Variants in FRMD4A observed in about 807,000 individuals in gnomAD.
FRMD4A encodes the protein FERM domain containing 4A.
A neutral mutation model predicts 129.1 loss-of-function variants in FRMD4A; 29 were observed. The ratio of observed to expected loss-of-function variants is 0.22; its 90% CI spans 0.17 to 0.31. The LOEUF (loss-of-function observed/expected upper bound fraction) is 0.31, where lower values mean the gene tolerates loss of function less well. FRMD4A is among the 10% of genes least tolerant of loss of function. The probability of loss-of-function intolerance (pLI) is 1.00; values close to 1 mark genes in which losing one functional copy is unlikely to be tolerated. For synonymous variants in FRMD4A, 634 were observed against 571.6 expected, an observed-to-expected ratio of 1.11 and a Z score of -1.56; for missense variants, 1,272 against 1,375.8, an observed-to-expected ratio of 0.92 and a Z score of 1.19.
chr10:14,288,076 C>G (rs895357893), intron 2 of FRMD4A, among the ~76,000 whole-genome samples: 1 of 152,106 alleles, frequency 6.6e-6, no homozygotes, highest in African/African-American at 2.4e-5. Flanking sequence ...GACACTGGCC[C>G]TGAGAAGAAA....
rs1043111942 is a variant in FRMD4A at position 13,694,013 on chromosome 10, C to T, written c.1002G>A (p.Leu334=). The change falls in exon 15 of 25, where the codon CTG becomes CTA. Residue 334 remains leucine, a synonymous_variant. Transcript: ENST00000357447. The part of the protein sequence containing the change: ...SKSKIHAARS[L]SEIAIDLTET... Reference sequence around the variant, plus strand: ...CGGTCAGGTCGATGGCGATCTCACTCAGGCTGCGTGCTGCATGGATTTTGG... The same window carrying T: ...CGGTCAGGTCGATGGCGATCTCACTTAGGCTGCGTGCTGCATGGATTTTGG... 22 of 1,526,918 alleles carry T rather than the reference C, an allele frequency of 1.4e-5. No individual in the cohort carries two copies. Among genetic ancestry groups the T allele is most frequent in the Non-Finnish European group, 1.6e-5 (18 of 1,140,268 alleles). The allele number at this position is 1,526,918 out of a possible 1,614,324, so 94.6% of individuals were successfully genotyped here.
At chr10:13,723,871 G>A (rs2089670415) in intron 12 of FRMD4A, among the ~76,000 whole-genome samples, 1 of 152,218 alleles carries the variant, frequency 6.6e-6, no homozygotes, top group Admixed American at 6.5e-5. Flanking sequence ...AGCGGGGATG[G>A]AGCTCAGATG....
intron 2 of FRMD4A, chr10:14,008,183 T>TGTGTGTGTGC: frequency 8.5e-7 from 1 of 1,181,960 alleles, no homozygotes; most frequent in South Asian, 1.6e-5. Flanking sequence ...TGTGTGTGTG[T>TGTGTGTGTGC]GTGTGTGTGT....
intron 2 of FRMD4A, among the ~76,000 whole-genome samples, chr10:14,158,873 G>T (rs953047157): frequency 7.1e-6 from 1 of 140,636 alleles, no homozygotes; most frequent in Non-Finnish European, 1.5e-5. Context: ...AGGAGGAGGA[G>T]GTAGCCTTCT....
chr10:14,128,001 TTTC>T (rs1426346697), intron 2 of FRMD4A, among the ~76,000 whole-genome samples: 1 of 68,260 alleles, frequency 1.5e-5, no homozygotes, highest in Non-Finnish European at 2.8e-5. Context: ...TCTCTCTCTC[TTTC>T]TTTCTTTCTT....
At chr10:14,318,488 C>A (rs1846837710) in intron 2 of FRMD4A, among the ~76,000 whole-genome samples, 1 of 151,942 alleles carries the variant, frequency 6.6e-6, no homozygotes, top group South Asian at 2.1e-4. Context: ...GCAGGCTGAC[C>A]AGGATTTACA....
At chr10:14,298,959 A>G (rs1846097385) in intron 2 of FRMD4A, among the ~76,000 whole-genome samples, 1 of 152,304 alleles carries the variant, frequency 6.6e-6, no homozygotes, top group East Asian at 1.9e-4. Flanking sequence ...TTTATGGTGG[A>G]GTTACCTAAA....
At chr10:13,964,757 T>C (rs113507064) in intron 2 of FRMD4A, among the ~76,000 whole-genome samples, 1 of 151,274 alleles carries the variant, frequency 6.6e-6, no homozygotes, top group East Asian at 2.0e-4. Context: ...CTGCAACCTC[T>C]GCCTCCCTGC....
chr10:13,981,737 T>G (rs2095561859), intron 2 of FRMD4A, among the ~76,000 whole-genome samples: 1 of 56,374 alleles, frequency 1.8e-5, no homozygotes, highest in Non-Finnish European at 3.1e-5. Flanking sequence ...AGACTCCGTG[T>G]CAAAAAAAAA....
intron 5 of FRMD4A, among the ~76,000 whole-genome samples, chr10:13,785,618 T>C (rs942079904): frequency 6.6e-6 from 1 of 152,172 alleles, no homozygotes; most frequent in Non-Finnish European, 1.5e-5. Context: ...TTTCTTTTTA[T>C]TTTGTTATTA....
At chr10:14,098,395 T>G (rs530352218) in intron 2 of FRMD4A, among the ~76,000 whole-genome samples, 1 of 151,266 alleles carries the variant, frequency 6.6e-6, no homozygotes, top group South Asian at 2.1e-4. Context: ...GGTTCTCTCT[T>G]TTTTTCTTTC....
intron 18 of FRMD4A, among the ~76,000 whole-genome samples, chr10:13,663,859 G>A (rs1381092375): frequency 6.6e-6 from 1 of 152,220 alleles, no homozygotes; most frequent in African/African-American, 2.4e-5. Flanking sequence ...CCCAGGGCGT[G>A]TACCAGCAAA....
chr10:13,914,373 T>G (rs1262894020), intron 2 of FRMD4A, among the ~76,000 whole-genome samples: 2 of 152,214 alleles, frequency 1.3e-5, no homozygotes, highest in Non-Finnish European at 2.9e-5. Flanking sequence ...TGATGAGTAC[T>G]AGCAGTAATA....
intron 2 of FRMD4A, among the ~76,000 whole-genome samples, chr10:14,161,180 T>C (rs1840868977): frequency 6.6e-6 from 1 of 152,170 alleles, no homozygotes; most frequent in South Asian, 2.1e-4. Context: ...GGTCTTGAAC[T>C]CCTGACCTGA....
intron 2 of FRMD4A, among the ~76,000 whole-genome samples, chr10:14,187,156 AAGGGAGGGAGGG>A (rs368593790): frequency 7.6e-6 from 1 of 132,316 alleles, no homozygotes; most frequent in Non-Finnish European, 1.6e-5. Flanking sequence ...GGAAAGAAGG[AAGGGAGGGAGGG>A]AGGGAGGGAG....
intron 2 of FRMD4A, among the ~76,000 whole-genome samples, chr10:14,000,646 CAAAAA>C (rs11377448): frequency 5.1e-4 from 22 of 43,478 alleles, no homozygotes; most frequent in African/African-American, 1.6e-3. Context: ...GACGCCACCT[CAAAAA>C]AAAAAAAAAA....
At chr10:13,693,551 CGGATT>C (rs2085923364) in intron 15 of FRMD4A, 10 of 1,196,776 alleles carry the variant, frequency 8.4e-6, no homozygotes, top group Non-Finnish European at 9.5e-6. Context: ...GGCACATGAG[CGGATT>C]CCACTTTTCA....
At chr10:13,679,398 G>C (rs1250636958) in intron 15 of FRMD4A, among the ~76,000 whole-genome samples, 1 of 114,928 alleles carries the variant, frequency 8.7e-6, no homozygotes, top group African/African-American at 3.4e-5. Context: ...CTGCACCACA[G>C]CCTGGGTGAC....
At chr10:13,731,460 C>A (rs534687037) in intron 12 of FRMD4A, among the ~76,000 whole-genome samples, 1 of 152,228 alleles carries the variant, frequency 6.6e-6, no homozygotes, top group East Asian at 1.9e-4. Flanking sequence ...ACCAACCTGG[C>A]CAACATGGTG....
Sources: gnomAD v4.1 joint callset for allele counts (sites outside exome capture counted in the v4.1 genomes callset) on GRCh38, gnomAD v4.1.1 for gene constraint, MANE v1.5 for transcripts, NCBI Gene and HGNC (gene_info 2026-07-23, HGNC 2026-07-21) for gene names.